GRB14: variants seen among roughly 807,000 people sequenced by gnomAD.
The protein encoded by GRB14 is growth factor receptor bound protein 14, also known as growth factor receptor-bound protein 14.
Under a neutral mutation model 69.1 loss-of-function variants are expected in GRB14, and 38 were observed. That is an observed-to-expected ratio of 0.55 (90% confidence interval 0.42 to 0.72). GRB14 has a LOEUF of 0.72. Ranked by LOEUF, GRB14 falls within the 30% of genes least tolerant of loss-of-function variation. GRB14 has a pLI of 0.00. For synonymous variants in GRB14, 247 were observed against 241.3 expected (o/e 1.02, Z -0.22); for missense variants, 666 against 666.1 (o/e 1.00, Z 0.00).
chr2:164,583,017 A>G lies in GRB14; in HGVS notation c.325-35201T>C, dbSNP rs1474345226. Reference sequence around the variant, plus strand: ...CAGACTCTCTACTGAAGAGCAGTCCATTGGCTTATTTTACTTCACCATCCA... The same window carrying G: ...CAGACTCTCTACTGAAGAGCAGTCCGTTGGCTTATTTTACTTCACCATCCA... On this transcript the variant is annotated intron_variant, in intron 2 of 13. Transcript: ENST00000263915. Among the ~76,000 whole-genome samples, 7 of 152,154 alleles carry G rather than the reference A, an allele frequency of 4.6e-5. No individual in the cohort carries two copies. In the East Asian group the frequency reaches 1.3e-3, roughly 29 times the overall value.
intron 2 of GRB14, among the ~76,000 whole-genome samples, chr2:164,577,812 AC>A (rs1689288609): frequency 6.6e-6 from 1 of 152,232 alleles, no homozygotes; most frequent in South Asian, 2.1e-4. Flanking sequence ...GACTAACTAT[AC>A]CCGAGTAAAC....
chr2:164,552,468 T>A (rs900419229), intron 2 of GRB14, among the ~76,000 whole-genome samples: 2 of 152,128 alleles, frequency 1.3e-5, no homozygotes, highest in Admixed American at 1.3e-4. Flanking sequence ...TATAATTAAT[T>A]CCCATTTTTA....
At chr2:164,502,375 A>G in intron 8 of GRB14, 40 bp from the exon 9 acceptor site, 2 of 1,025,114 alleles carry the variant, frequency 2.0e-6, no homozygotes, top group Non-Finnish European at 3.1e-6. Flanking sequence ...CACCACTTTT[A>G]CTACTCTGAT....
intron 2 of GRB14, among the ~76,000 whole-genome samples, chr2:164,615,594 C>T (rs1206495386): frequency 6.6e-6 from 1 of 152,090 alleles, no homozygotes; most frequent in East Asian, 1.9e-4. Flanking sequence ...GCTGGCTGTG[C>T]CACATAGCAT....
Position 164,508,759 on chromosome 2 carries a change from A to T in GRB14, c.910T>A (p.Tyr304Asn). The change falls in exon 7 of 14, where the codon TAT becomes AAT. Residue 304 changes from tyrosine to asparagine, a missense_variant. By Grantham distance (143) the Tyr-to-Asn change is moderately radical. Transcript: ENST00000263915. Reference protein sequence around the residue: ...GKKKHGAPTNYGFCFKPNKAG... With the variant: ...GKKKHGAPTNNGFCFKPNKAG... ...GCCTGTACCTTAAAGCAGAATCCAT[A>T]GTTAGTCGGTGCTCCATGTTTTTTT... The T allele has an allele frequency of 6.3e-7, 1 of 1,585,554 alleles. No individual in the cohort carries two copies. The highest frequency in any genetic ancestry group is 8.5e-7 in the Non-Finnish European group (1 of 1,169,822).
chr2:164,547,332 T>C (rs1023164870), intron 3 of GRB14, among the ~76,000 whole-genome samples: 1 of 152,140 alleles, frequency 6.6e-6, no homozygotes, highest in Non-Finnish European at 1.5e-5. Context: ...AATTCAGATA[T>C]TTATAAGATA....
intron 2 of GRB14, chr2:164,568,449 C>A (rs566108710): frequency 8.2e-7 from 1 of 1,226,096 alleles, no homozygotes. Context: ...ATGGTTACTC[C>A]TTGGGAATCT....
At chr2:164,526,701 A>G (rs1272984012) in intron 4 of GRB14, among the ~76,000 whole-genome samples, 2 of 152,050 alleles carry the variant, frequency 1.3e-5, no homozygotes, top group East Asian at 1.9e-4. Flanking sequence ...CATCAAATGT[A>G]TAATTGTTAC....
chr2:164,602,448 GA>G (rs1187479264), intron 2 of GRB14, among the ~76,000 whole-genome samples: 1 of 152,018 alleles, frequency 6.6e-6, no homozygotes, highest in Admixed American at 6.6e-5. Flanking sequence ...ACAATATCCT[GA>G]AAAAAATGTG....
rs2105251021 is a variant in GRB14 at position 164,492,867 on chromosome 2, A to C, written c.*169T>G. The stretch of plus-strand genomic sequence containing the variant: ...TAATGAATTTTAAATGATGAATGTA[A>C]AGTCAATCCAAGTCTTTGCTTATTT... On this transcript the variant is annotated 3_prime_UTR_variant, in exon 14 of 14. Transcript: ENST00000263915. The C allele has an allele frequency of 1.9e-6, 1 of 525,482 alleles. No individual in the cohort carries two copies. The highest frequency in any genetic ancestry group is 1.9e-5 in the African/African-American group (1 of 51,446). The allele number at this position is 525,482 out of a possible 1,614,324, so 32.6% of individuals were successfully genotyped here.
chr2:164,538,942 T>C (rs1263695988), intron 3 of GRB14, among the ~76,000 whole-genome samples: 1 of 152,094 alleles, frequency 6.6e-6, no homozygotes, highest in Non-Finnish European at 1.5e-5. Flanking sequence ...GGTTTGCAAT[T>C]TAAATTATAG....
At chr2:164,581,850 T>C (rs979999022) in intron 2 of GRB14, among the ~76,000 whole-genome samples, 2 of 152,156 alleles carry the variant, frequency 1.3e-5, no homozygotes, top group Non-Finnish European at 2.9e-5. Context: ...TCAAGCCCCT[T>C]GATTTAAAGA....
chr2:164,493,267 G>A, intron 13 of GRB14, 85 bp from the exon 14 acceptor site: 1 of 1,198,902 alleles, frequency 8.3e-7, no homozygotes, highest in Non-Finnish European at 1.2e-6. Flanking sequence ...ATCTCCACAT[G>A]CCAAAACTGC....
rs200548185 is a variant in GRB14, at chr2:164,492,918, AC to A, written c.*117del. 1.3e-4 allele frequency: 116 copies of A among 876,848 alleles called. No individual in the cohort carries two copies. The East Asian group carries it at 2.8e-3, about 21-fold the overall frequency. The allele number at this position is 876,848 out of a possible 1,614,324, so 54.3% of individuals were successfully genotyped here. A position where few individuals can be genotyped will look rare whatever the true frequency, so the allele number is the denominator to read the frequency against. On this transcript the variant is annotated 3_prime_UTR_variant, in exon 14 of 14. Transcript: ENST00000263915. The stretch of plus-strand genomic sequence containing the variant: ...GCAATGCACAAACTATTTTTTTGTA[AC>A]TTGCAGGTGAAATACATTCTTTTCA...
At chr2:164,578,767 C>A (rs1438975485) in intron 2 of GRB14, among the ~76,000 whole-genome samples, 2 of 152,224 alleles carry the variant, frequency 1.3e-5, no homozygotes, top group East Asian at 3.9e-4. Context: ...TTTGGCAGCA[C>A]CTGTAAAAAT....
At position 164,620,826 on chromosome 2, in the gene GRB14, A is replaced by C. The variant is rs10173531; in HGVS notation, c.191+293T>G. The stretch of plus-strand genomic sequence containing the variant: ...GTTTACTTTGTGAAAATGCATGGCC[A>C]CGAAGGAACAGAAGGTGATCAGCCT... On this transcript the variant is annotated intron_variant, in intron 1 of 13. Transcript: ENST00000263915. Among the ~76,000 whole-genome samples the C allele has an allele frequency of 2.6e-5, 4 of 152,088 alleles. No individual in the cohort carries two copies. The East Asian group carries it at 7.7e-4, about 29-fold the overall frequency.
At chr2:164,597,646 G>C (rs1168858377) in intron 2 of GRB14, among the ~76,000 whole-genome samples, 1 of 151,846 alleles carries the variant, frequency 6.6e-6, no homozygotes, top group African/African-American at 2.4e-5. Flanking sequence ...AAGAAAGGCA[G>C]GGAGAAAAAG....
At chr2:164,574,938 GAA>G (rs879364438) in intron 2 of GRB14, among the ~76,000 whole-genome samples, 3 of 116,082 alleles carry the variant, frequency 2.6e-5, no homozygotes, top group South Asian at 2.8e-4. Flanking sequence ...TCAAAATGAA[GAA>G]AAAAAAAAAA....
intron 2 of GRB14, among the ~76,000 whole-genome samples, chr2:164,592,167 C>G (rs1474575490): frequency 2.0e-5 from 3 of 151,886 alleles, no homozygotes; most frequent in African/African-American, 7.3e-5. Context: ...TGGAGTCTCA[C>G]TCTGTCTCCC....
Sources: allele counts gnomAD v4.1 joint callset (sites outside exome capture counted in the v4.1 genomes callset), GRCh38; gene constraint gnomAD v4.1.1; transcripts MANE v1.5; gene names NCBI Gene and HGNC (gene_info 2026-07-23, HGNC 2026-07-21).